The following CRYBG1 variants were observed in gnomAD, a reference collection of about 807,000 sequenced individuals.
CRYBG1 encodes the protein crystallin beta-gamma domain containing 1, also known as beta/gamma crystallin domain-containing protein 1.
CRYBG1 carries 139 observed loss-of-function variants against 189.2 expected under a neutral mutation model. The observed-to-expected ratio is 0.73, with a 90% CI of 0.64 to 0.85. CRYBG1 has a LOEUF of 0.85. Ranked by LOEUF, CRYBG1 falls within the 40% of genes least tolerant of loss-of-function variation. CRYBG1 has a pLI of 0.00. For synonymous variants in CRYBG1, 1,023 were observed against 1,017.1 expected, an observed-to-expected ratio of 1.01 and a Z score of -0.11; for missense variants, 2,611 against 2,675.8, an observed-to-expected ratio of 0.98 and a Z score of 0.53.
intron 1 of CRYBG1, among the ~76,000 whole-genome samples, chr6:106,420,552 C>A (rs1771104644): frequency 6.6e-6 from 1 of 152,162 alleles, no homozygotes. Flanking sequence ...TGCCTCAGTT[C>A]CCAAGCTTAA....
rs1773598422 is a variant in CRYBG1, at chr6:106,521,147, T to C, written c.3939T>C (p.Asn1313=). The C allele has an allele frequency of 6.2e-7, 1 of 1,614,144 alleles. No homozygotes were observed. Among genetic ancestry groups the C allele is most frequent in the Non-Finnish European group, 8.5e-7 (1 of 1,180,036 alleles). Residue 1313 remains asparagine, a synonymous_variant, in exon 4 of 22, where the codon AAT becomes AAC. Coordinates refer to ENST00000633556, the MANE Select transcript of CRYBG1 (RefSeq NM_001371242.2). ...LLPDNSLKVF[N]FNSSSTSHSS... ...CCGACAACTCCTTAAAGGTCTTCAATTTCAACTCGTCAAGTACATCACACT... is the reference window on the plus strand; with the variant it reads ...CCGACAACTCCTTAAAGGTCTTCAACTTCAACTCGTCAAGTACATCACACT...
At chr6:106,435,775 T>G (rs1452335876) in intron 1 of CRYBG1, among the ~76,000 whole-genome samples, 2 of 152,060 alleles carry the variant, frequency 1.3e-5, no homozygotes, top group Non-Finnish European at 2.9e-5. Context: ...GGGGTTTCAC[T>G]ATGTTGGTCA....
At chr6:106,375,350 C>T (rs749366678) in intron 1 of CRYBG1, among the ~76,000 whole-genome samples, 5 of 151,784 alleles carry the variant, frequency 3.3e-5, no homozygotes, top group Non-Finnish European at 5.9e-5. Flanking sequence ...TAAGCCACTG[C>T]CCTGCAGCCT....
Position 106,471,204 on chromosome 6 carries a change from A to T in CRYBG1, c.312+19372A>T, listed in dbSNP as rs1772226850. Among the ~76,000 whole-genome samples the T allele has an allele frequency of 2.6e-5, 4 of 152,186 alleles. No homozygotes were observed. In the South Asian group the frequency reaches 8.3e-4, roughly 32 times the overall value. On this transcript the variant is annotated intron_variant, in intron 2 of 21. Transcript: ENST00000633556. ...TTTCTGGTCTTTAGAAAGGCTACCCAAGCTTGGTTTCTTGAGAATGATTCT... is the reference window on the plus strand; with the variant it reads ...TTTCTGGTCTTTAGAAAGGCTACCCTAGCTTGGTTTCTTGAGAATGATTCT...
At chr6:106,438,000 C>T (rs1421331313) in intron 1 of CRYBG1, among the ~76,000 whole-genome samples, 1 of 152,200 alleles carries the variant, frequency 6.6e-6, no homozygotes, top group African/African-American at 2.4e-5. Context: ...CCTGAGACAG[C>T]ACCTTTTTAT....
At chr6:106,438,598 G>C (rs1192292329) in intron 1 of CRYBG1, among the ~76,000 whole-genome samples, 1 of 152,100 alleles carries the variant, frequency 6.6e-6, no homozygotes, top group Non-Finnish European at 1.5e-5. Context: ...TAAGCAAATA[G>C]TAAATCCATA....
chr6:106,511,081 A>C (rs1206542986), intron 2 of CRYBG1, among the ~76,000 whole-genome samples: 1 of 152,158 alleles, frequency 6.6e-6, no homozygotes, highest in Non-Finnish European at 1.5e-5. Context: ...CTGTTTATAA[A>C]TTGCATCTTT....
intron 1 of CRYBG1, among the ~76,000 whole-genome samples, chr6:106,378,217 G>A (rs1770210758): frequency 6.6e-6 from 1 of 152,190 alleles, no homozygotes; most frequent in Admixed American, 6.5e-5. Flanking sequence ...AGTAGACAAA[G>A]GGCAGGATTC....
intron 4 of CRYBG1, among the ~76,000 whole-genome samples, chr6:106,523,387 C>G (rs1259927700): frequency 6.6e-6 from 1 of 152,144 alleles, no homozygotes; most frequent in Non-Finnish European, 1.5e-5. Flanking sequence ...TTCATTACTA[C>G]TTTGTTCTTT....
At chr6:106,519,001 ACACACAC>A in intron 3 of CRYBG1, 123 bp from the exon 4 acceptor site, 14 of 962,918 alleles carry the variant, frequency 1.5e-5, no homozygotes, top group African/African-American at 3.3e-5. Flanking sequence ...ATACACACAC[ACACACAC>A]CACACTCCAA....
intron 1 of CRYBG1, among the ~76,000 whole-genome samples, chr6:106,405,742 C>G (rs1212324009): frequency 6.6e-6 from 1 of 152,236 alleles, no homozygotes; most frequent in Non-Finnish European, 1.5e-5. Context: ...CCCAGGCAAA[C>G]AGGGTCTGAA....
intron 2 of CRYBG1, among the ~76,000 whole-genome samples, chr6:106,482,618 A>C (rs2114482041): frequency 6.6e-6 from 1 of 152,178 alleles, no homozygotes; most frequent in African/African-American, 2.4e-5. Flanking sequence ...TACTAAAAAT[A>C]CAAAAAATTA....
intron 2 of CRYBG1, among the ~76,000 whole-genome samples, chr6:106,484,077 T>G (rs1043034114): frequency 6.6e-5 from 10 of 152,312 alleles, no homozygotes; most frequent in Non-Finnish European, 2.9e-5. Context: ...GCTGTTCAAT[T>G]TTTCCAGCAC....
At chr6:106,489,133 C>T (rs9384619) in intron 2 of CRYBG1, among the ~76,000 whole-genome samples, 18,711 of 152,196 alleles carry the variant, frequency 0.12, 1,336 homozygotes, top group East Asian at 0.27. Flanking sequence ...CTGACCTGAT[C>T]CCAGCAAGGA....
Position 106,544,821 on chromosome 6 carries a change from G to GA in CRYBG1, c.5207dup (p.Asn1736LysfsTer10). The GA allele has an allele frequency of 3.7e-6, 6 of 1,608,894 alleles. No homozygotes were observed. The highest frequency in any genetic ancestry group is 5.1e-6 in the Non-Finnish European group (6 of 1,178,682). On this transcript the variant is annotated frameshift_variant, in exon 13 of 22. Transcript: ENST00000633556. LOFTEE classifies it high-confidence loss of function. ...AAATGCTCACATGATAATGTACAGT[G>GA]AAAAAAACTTTGGATCCAAAGGTTC...
At chr6:106,525,824 G>GA (rs35498768) in intron 6 of CRYBG1, among the ~76,000 whole-genome samples, 66,297 of 151,586 alleles carry the variant, frequency 0.44, 15,204 homozygotes, top group South Asian at 0.52. Context: ...AAACAATAAG[G>GA]AAAAAAAATC....
intron 2 of CRYBG1, among the ~76,000 whole-genome samples, chr6:106,476,583 G>T (rs927012): frequency 0.14 from 21,806 of 151,978 alleles, 1,879 homozygotes; most frequent in East Asian, 0.25. Context: ...TGGGAAACTT[G>T]AGGTGGAGAT....
rs144187681 is a variant in CRYBG1, at chr6:106,515,325, C to T, written c.1922+2286C>T. The stretch of plus-strand genomic sequence containing the variant: ...GTCTGAAGTAGGTTAATTGTAGTAA[C>T]TCTTGGTAGCACAACTTAATAGCAC... On this transcript the variant is annotated intron_variant, in intron 3 of 21. Transcript: ENST00000633556. Among the ~76,000 whole-genome samples, 9 of 152,300 alleles carry T rather than the reference C, an allele frequency of 5.9e-5. No individual in the cohort carries two copies. The East Asian group carries it at 1.2e-3, about 20-fold the overall frequency.
At chr6:106,511,212 A>T (rs1562094868) in intron 2 of CRYBG1, among the ~76,000 whole-genome samples, 1 of 152,234 alleles carries the variant, frequency 6.6e-6, no homozygotes, top group Non-Finnish European at 1.5e-5. Context: ...AGAAAATGCT[A>T]TTCTGACTAC....
Sources: gnomAD v4.1 joint callset for allele counts (sites outside exome capture counted in the v4.1 genomes callset) on GRCh38, gnomAD v4.1.1 for gene constraint, MANE v1.5 for transcripts, NCBI Gene and HGNC (gene_info 2026-07-23, HGNC 2026-07-21) for gene names.